The following RAD23B variants were observed in gnomAD, a reference collection of about 807,000 sequenced individuals.
The protein encoded by RAD23B is lysine-specific demethylase RAD23B.
RAD23B carries 5 observed loss-of-function variants against 49.1 expected under a neutral mutation model. The ratio of observed to expected loss-of-function variants is 0.10; its 90% CI spans 0.05 to 0.21. The LOEUF (loss-of-function observed/expected upper bound fraction) is 0.21, where lower values mean the gene tolerates loss of function less well. Among genes scored for constraint, RAD23B ranks in the 10% least tolerant of loss-of-function variants. The probability of loss-of-function intolerance (pLI) is 1.00; values close to 1 mark genes in which losing one functional copy is unlikely to be tolerated. For synonymous variants in RAD23B, 184 were observed against 165.4 expected (o/e 1.11, Z -0.86); for missense variants, 356 against 486.7 (o/e 0.73, Z 2.53).
intron 1 of RAD23B, chr9:107,283,974 G>C: frequency 8.9e-7 from 1 of 1,121,606 alleles, no homozygotes; most frequent in Non-Finnish European, 1.1e-6. Flanking sequence ...CTAGGAGCTC[G>C]TGCTAGCGGG....
intron 1 of RAD23B, 90 bp downstream of exon 1, chr9:107,283,785 G>A (rs1256238267): frequency 7.5e-6 from 9 of 1,204,946 alleles, no homozygotes; most frequent in Non-Finnish European, 9.6e-6. Flanking sequence ...GCTCCAGCGG[G>A]GGAAGCCCCG....
chr9:107,303,904 C>T lies in RAD23B; in HGVS notation c.228+1790C>T, dbSNP rs768417651. 7.2e-5 allele frequency among the ~76,000 whole-genome samples: 11 copies of T among 152,204 alleles called. No individual in the cohort carries two copies. The East Asian group carries it at 1.2e-3, about 16-fold the overall frequency. On this transcript the variant is annotated intron_variant, in intron 3 of 9. Transcript: ENST00000358015. ...TAAGCAGAAAAAGTCTCAATAGGTG[C>T]GTGTGTTTGAGGAATAGATACTTGA...
At chr9:107,327,304 A>G (rs1827225529) in intron 9 of RAD23B, among the ~76,000 whole-genome samples, 1 of 151,600 alleles carries the variant, frequency 6.6e-6, no homozygotes, top group Admixed American at 6.6e-5. Context: ...GCTTGCTTCT[A>G]GTTTGTTCTT....
At position 107,324,936 on chromosome 9, in the gene RAD23B, G is replaced by A; in HGVS notation, c.1048G>A (p.Ala350Thr). The A allele has an allele frequency of 6.2e-7, 1 of 1,613,798 alleles. No homozygotes were observed. The highest frequency in any genetic ancestry group is 8.5e-7 in the Non-Finnish European group (1 of 1,179,952). Reference sequence around the variant, plus strand: ...AGGTGGAGGTGGCAGTGGAGGAATTGCAGAAGCTGGAAGTGGTCATATGAA... The same window carrying A: ...AGGTGGAGGTGGCAGTGGAGGAATTACAGAAGCTGGAAGTGGTCATATGAA... ...GGGGGGSGGI[A>T]EAGSGHMNYI... is the part of the protein sequence containing the mutation. Residue 350 changes from alanine to threonine, a missense_variant, in exon 9 of 10, where the codon GCA becomes ACA. Ala to Thr is a moderately conservative substitution (Grantham distance 58). Coordinates refer to ENST00000358015, the MANE Select transcript of RAD23B (RefSeq NM_002874.5).
In RAD23B at chr9:107,302,355, AAAT is replaced by A. The variant is rs577058124; in HGVS notation, c.228+244_228+246del. ...TTTTATGTAAATTAAAACAATTGAAAAATAAAATGTCATGTTAAAATTATTTTT... is the reference window on the plus strand; with the variant it reads ...TTTTATGTAAATTAAAACAATTGAAAAAAATGTCATGTTAAAATTATTTTT... On this transcript the variant is annotated intron_variant, in intron 3 of 9. Transcript: ENST00000358015. Among the ~76,000 whole-genome samples, 1,042 of 152,314 alleles carry A rather than the reference AAAT, an allele frequency of 6.8e-3. 13 individuals are homozygous for A. The highest frequency in any genetic ancestry group is 0.01 in the Non-Finnish European group (700 of 68,018).
chr9:107,305,623 C>T (rs1157490510), intron 3 of RAD23B, among the ~76,000 whole-genome samples: 3 of 152,052 alleles, frequency 2.0e-5, no homozygotes, highest in Non-Finnish European at 2.9e-5. Flanking sequence ...AAGTGCTGAG[C>T]GTGTGGAGGT....
chr9:107,292,857 A>T (rs1392836351), intron 1 of RAD23B, among the ~76,000 whole-genome samples: 3 of 152,122 alleles, frequency 2.0e-5, no homozygotes. Context: ...GAAAAAGAGG[A>T]TAATAGTATC....
intron 1 of RAD23B, among the ~76,000 whole-genome samples, chr9:107,286,320 G>T (rs1483438925): frequency 6.6e-6 from 1 of 152,178 alleles, no homozygotes; most frequent in East Asian, 1.9e-4. Context: ...TGTAGAACGT[G>T]GTCTGGGGCT....
chr9:107,290,872 G>A (rs1318104429), intron 1 of RAD23B, among the ~76,000 whole-genome samples: 2 of 152,142 alleles, frequency 1.3e-5, no homozygotes, highest in Admixed American at 6.5e-5. Context: ...AGGTCCTGCC[G>A]CGATAGATGC....
At chr9:107,306,777 C>G (rs1207858842) in intron 4 of RAD23B, 130 bp downstream of exon 4, 4 of 1,004,510 alleles carry the variant, frequency 4.0e-6, no homozygotes, top group Non-Finnish European at 4.3e-6. Flanking sequence ...AAATGTTTGA[C>G]TAAAACATAT....
At position 107,330,767 on chromosome 9, in the gene RAD23B, A is replaced by G. The variant is rs927864947; in HGVS notation, c.*1111A>G. On this transcript the variant is annotated 3_prime_UTR_variant, in exon 10 of 10. Transcript: ENST00000358015. This position sits in a 1 kb window ranked among gnomAD's most constrained non-coding sequence, Gnocchi z 4.4. ...ATGGTAGACAAAACTATAATCCAGC[A>G]TCTTTTATTGCATTGGAAAGACTGG... 1.3e-5 allele frequency: 2 copies of G among 152,678 alleles called. No homozygotes were observed. The highest frequency in any genetic ancestry group is 4.8e-5 in the African/African-American group (2 of 41,460). 9.5% of individuals were successfully genotyped at this position (152,678 alleles called of 1,614,324 possible).
At chr9:107,309,306 A>G (rs951154113) in intron 4 of RAD23B, among the ~76,000 whole-genome samples, 1 of 152,226 alleles carries the variant, frequency 6.6e-6, no homozygotes, top group African/African-American at 2.4e-5. Context: ...CTGATAGCTG[A>G]TACTACAAGA....
In RAD23B at chr9:107,283,568, C is replaced by A; in HGVS notation, c.-62C>A. The A allele has an allele frequency of 7.2e-7, 1 of 1,390,018 alleles. No homozygotes were observed. Among genetic ancestry groups the A allele is most frequent in the Non-Finnish European group, 9.6e-7 (1 of 1,044,748 alleles). 86.1% of individuals were successfully genotyped at this position (1,390,018 alleles called of 1,614,324 possible). A position where few individuals can be genotyped will look rare whatever the true frequency, so the allele number is the denominator to read the frequency against. On this transcript the variant is annotated 5_prime_UTR_variant, in exon 1 of 10. Transcript: ENST00000358015. ...GCGACCCCGGGGCCCCGCCAGGCCA[C>A]AGACCCCGCCCAGCGGCCAGCACCC... is the stretch of plus-strand genomic sequence containing the variant.
At chr9:107,309,564 T>C (rs965694095) in intron 4 of RAD23B, among the ~76,000 whole-genome samples, 1 of 152,120 alleles carries the variant, frequency 6.6e-6, no homozygotes, top group South Asian at 2.1e-4. Context: ...TGAGACAGAA[T>C]CAAGATTAAA....
chr9:107,283,553 GGCC>G lies in RAD23B; in HGVS notation c.-76_-74del. On this transcript the variant is annotated 5_prime_UTR_variant, in exon 1 of 10. Coordinates refer to ENST00000358015, the MANE Select transcript of RAD23B (RefSeq NM_002874.5). Reference sequence around the variant, plus strand: ...GCGCGAGGAGCGCGGGCGACCCCGGGGCCCCGCCAGGCCACAGACCCCGCCCAG... The same window carrying G: ...GCGCGAGGAGCGCGGGCGACCCCGGGCCGCCAGGCCACAGACCCCGCCCAG... 4 of 1,176,768 alleles carry G rather than the reference GGCC, an allele frequency of 3.4e-6. No individual in the cohort carries two copies. The South Asian group carries it at 6.2e-5, about 18-fold the overall frequency. 72.9% of individuals were successfully genotyped at this position (1,176,768 alleles called of 1,614,324 possible).
At chr9:107,284,179 C>T (rs1833224355) in intron 1 of RAD23B, 2 of 986,480 alleles carry the variant, frequency 2.0e-6, no homozygotes, top group African/African-American at 1.7e-5. Flanking sequence ...TTCCGTTTGC[C>T]GCCGAGAGGT....
intron 1 of RAD23B, among the ~76,000 whole-genome samples, chr9:107,286,267 G>A (rs1291942778): frequency 6.6e-6 from 1 of 152,212 alleles, no homozygotes; most frequent in Non-Finnish European, 1.5e-5. Flanking sequence ...ACAAGTAAAT[G>A]TTTAGTGAGC....
Position 107,331,744 on chromosome 9 carries a change from T to C in RAD23B, c.*2088T>C, listed in dbSNP as rs1010394448. The stretch of plus-strand genomic sequence containing the variant: ...GTGACAGCAGAAGGTGGCATGGAGC[T>C]TGTGTCCTTGGACAACAAATCTGGA... On this transcript the variant is annotated 3_prime_UTR_variant, in exon 10 of 10. Transcript: ENST00000358015. 1.3e-6 allele frequency: 1 copy of C among 775,610 alleles called. No individual in the cohort carries two copies. The highest frequency in any genetic ancestry group is 1.7e-5 in the African/African-American group (1 of 58,690). The allele number at this position is 775,610 out of a possible 1,614,324, so 48.0% of individuals were successfully genotyped here.
intron 5 of RAD23B, among the ~76,000 whole-genome samples, chr9:107,315,459 C>G (rs1027914559): frequency 6.6e-6 from 1 of 152,116 alleles, no homozygotes; most frequent in Admixed American, 6.6e-5. Flanking sequence ...ATCACCACCT[C>G]TTTTGCCTCA....
Sources: allele counts gnomAD v4.1 joint callset (sites outside exome capture counted in the v4.1 genomes callset), GRCh38; gene constraint gnomAD v4.1.1; non-coding constraint Gnocchi (gnomAD v3.1); transcripts MANE v1.5; gene names NCBI Gene and HGNC (gene_info 2026-07-23, HGNC 2026-07-21).